Variants in ERAP1 observed in about 807,000 individuals in gnomAD.
ERAP1 encodes the protein endoplasmic reticulum aminopeptidase 1, also known as adipocyte-derived leucine aminopeptidase.
In ERAP1, 86 loss-of-function variants were observed where a neutral mutation model predicts 103.7. The ratio of observed to expected loss-of-function variants is 0.83; its 90% CI spans 0.70 to 0.99. The LOEUF is 0.99. Ranked by LOEUF, ERAP1 falls within the 50% of genes least tolerant of loss-of-function variation. The pLI, the probability that ERAP1 is intolerant of heterozygous loss-of-function variation, is 0.00. For synonymous variants in ERAP1, 398 were observed against 402.4 expected (o/e 0.99, Z 0.13); for missense variants, 1,009 against 1,128.4 (o/e 0.89, Z 1.52).
the ERAP1 span, among the ~76,000 whole-genome samples, chr5:96,906,953 G>A: frequency 6.6e-6 from 1 of 152,068 alleles, no homozygotes; most frequent in Non-Finnish European, 1.5e-5. Flanking sequence ...GCTTGAACCC[G>A]GGAGGCAGAG....
the ERAP1 span, chr5:96,912,559 A>T: frequency 1.9e-6 from 2 of 1,040,978 alleles, no homozygotes; most frequent in Non-Finnish European, 2.8e-6. Flanking sequence ...TTATTGTGTT[A>T]TAGGACTTAA....
chr5:96,898,572 CAAA>C, the ERAP1 span, among the ~76,000 whole-genome samples: 3 of 94,448 alleles, frequency 3.2e-5, no homozygotes, highest in Admixed American at 1.2e-4. Context: ...TACTAAAATA[CAAA>C]AAAAAAAAAA....
chr5:96,825,000 G>A, the ERAP1 span, among the ~76,000 whole-genome samples: 3 of 152,020 alleles, frequency 2.0e-5, no homozygotes, highest in Non-Finnish European at 4.4e-5. Flanking sequence ...CGATCATCAC[G>A]CCACTGCACT....
At chr5:96,884,064 ATCTATCTATCT>A in the ERAP1 span, 887 of 631,990 alleles carry the variant, frequency 1.4e-3, 6 homozygotes, top group African/African-American at 0.016. Flanking sequence ...CTATCTATCT[ATCTATCTATCT>A]ATCTATCATC....
At chr5:96,849,904 A>G in the ERAP1 span, among the ~76,000 whole-genome samples, 2 of 152,192 alleles carry the variant, frequency 1.3e-5, no homozygotes, top group African/African-American at 4.8e-5. Context: ...CTGGCATAAA[A>G]GCAGACACAT....
At chr5:96,891,638 AG>A in the ERAP1 span, among the ~76,000 whole-genome samples, 1 of 151,820 alleles carries the variant, frequency 6.6e-6, no homozygotes, top group Non-Finnish European at 1.5e-5. Flanking sequence ...TTAAATCATT[AG>A]ATTGCACTTT....
the ERAP1 span, chr5:96,913,511 C>T: frequency 3.8e-6 from 6 of 1,584,276 alleles, no homozygotes; most frequent in South Asian, 6.7e-5. Context: ...GTCTCAGTTG[C>T]CTCAAACCAA....
intron 18 of ERAP1, chr5:96,779,221 T>C (rs1366819438): frequency 6.6e-6 from 1 of 152,242 alleles, no homozygotes. Flanking sequence ...GTCTGTCTGT[T>C]CACTGTTACA....
the ERAP1 span, among the ~76,000 whole-genome samples, chr5:96,910,527 A>G: frequency 6.6e-6 from 1 of 152,058 alleles, no homozygotes; most frequent in South Asian, 2.1e-4. Context: ...AATGGGTTGT[A>G]TGAGTGAAGC....
chr5:96,797,160 C>G lies in ERAP1; in HGVS notation c.798+15G>C, dbSNP rs777423292. 1 of 1,613,854 alleles carries G rather than the reference C, an allele frequency of 6.2e-7. No individual in the cohort carries two copies. Among genetic ancestry groups the G allele is most frequent in the East Asian group, 2.2e-5 (1 of 44,888 alleles). ...AGAACAAGCTGGTCACCATATGTGA[C>G]AGTCATAGGCTCACCTTGACTCCAC... On this transcript the variant is annotated intron_variant, in intron 4 of 18. Coordinates refer to ENST00000443439, the MANE Select transcript of ERAP1 (RefSeq NM_001040458.3).
At chr5:96,854,655 A>G in the ERAP1 span, among the ~76,000 whole-genome samples, 1 of 152,216 alleles carries the variant, frequency 6.6e-6, no homozygotes, top group Non-Finnish European at 1.5e-5. Context: ...TTTGAAATCA[A>G]GACTCTAACA....
chr5:96,803,074 G>C (rs564350892), intron 2 of ERAP1, among the ~76,000 whole-genome samples: 3 of 152,278 alleles, frequency 2.0e-5, no homozygotes, highest in African/African-American at 7.2e-5. Context: ...TACCCAGTCT[G>C]TGGTACTTTG....
the ERAP1 span, among the ~76,000 whole-genome samples, chr5:96,819,133 C>G: frequency 6.6e-6 from 1 of 151,928 alleles, no homozygotes. Flanking sequence ...AACACGTTGG[C>G]CAGGATGGTC....
chr5:96,776,631 A>G, intron 18 of ERAP1, 80 bp from the exon 19 acceptor site: 1 of 1,563,396 alleles, frequency 6.4e-7, no homozygotes, highest in Non-Finnish European at 8.6e-7. Context: ...CTGAAGCCAA[A>G]ATTCCAGCAT....
the ERAP1 span, among the ~76,000 whole-genome samples, chr5:96,851,666 G>T: frequency 1.3e-5 from 2 of 152,112 alleles, no homozygotes; most frequent in African/African-American, 4.8e-5. Context: ...TCCAAGACAG[G>T]GAAAACAGTC....
the ERAP1 span, among the ~76,000 whole-genome samples, chr5:96,896,001 T>C: frequency 6.6e-6 from 1 of 152,198 alleles, no homozygotes; most frequent in Non-Finnish European, 1.5e-5. Context: ...TATATTCTTA[T>C]TTGTAAAATG....
chr5:96,913,405 C>A, the ERAP1 span: 1 of 1,613,992 alleles, frequency 6.2e-7, no homozygotes, highest in Non-Finnish European at 8.5e-7. Context: ...TCCAAAGGGG[C>A]AGCAACTAGC....
At chr5:96,867,184 T>C in the ERAP1 span, among the ~76,000 whole-genome samples, 1 of 151,946 alleles carries the variant, frequency 6.6e-6, no homozygotes, top group African/African-American at 2.4e-5. Context: ...TTTTTGTATT[T>C]TTAATAGAGA....
chr5:96,769,518 A>T (rs1227533416), downstream of ERAP1: 2 of 151,960 alleles, frequency 1.3e-5, no homozygotes, highest in African/African-American at 2.4e-5. Context: ...TTTGGGATGC[A>T]TAGAAATAAT....
Sources: allele counts gnomAD v4.1 joint callset (sites outside exome capture counted in the v4.1 genomes callset), GRCh38; gene constraint gnomAD v4.1.1; transcripts MANE v1.5; gene names NCBI Gene and HGNC (gene_info 2026-07-23, HGNC 2026-07-21).